IL1RAPL2: variants seen among roughly 807,000 people sequenced by gnomAD.
IL1RAPL2 encodes the protein interleukin 1 receptor accessory protein like 2, also known as X-linked interleukin-1 receptor accessory protein-like 2.
IL1RAPL2 carries 3 observed loss-of-function variants against 44.1 expected under a neutral mutation model. That is an observed-to-expected ratio of 0.07 (90% CI 0.03 to 0.18). The LOEUF is 0.18. Among genes scored for constraint, IL1RAPL2 ranks in the 10% least tolerant of loss-of-function variants. The pLI is 1.00. For synonymous variants in IL1RAPL2, 181 were observed against 178.8 expected (o/e 1.01, Z -0.10); for missense variants, 391 against 496.4 (o/e 0.79, Z 2.02).
In IL1RAPL2 at chrX:105,541,607, A is replaced by G. The variant is rs977947035; in HGVS notation, c.772+57220A>G. On this transcript the variant is annotated intron_variant, in intron 6 of 10. Coordinates refer to ENST00000372582, the MANE Select transcript of IL1RAPL2 (RefSeq NM_017416.2). ...AGAGGAGGGATGTAAGAGATTATCAAATCCTCCTTTCTGCTTCCTCCTGAA... is the reference window on the plus strand; with the variant it reads ...AGAGGAGGGATGTAAGAGATTATCAGATCCTCCTTTCTGCTTCCTCCTGAA... Among the ~76,000 whole-genome samples, 5 of 110,646 alleles carry G rather than the reference A, an allele frequency of 4.5e-5. No homozygotes were observed. In the South Asian group the frequency reaches 1.2e-3, roughly 26 times the overall value.
At chrX:105,251,925 GT>G (rs972769729) in intron 4 of IL1RAPL2, among the ~76,000 whole-genome samples, 2 of 110,719 alleles carry the variant, frequency 1.8e-5, no homozygotes, top group African/African-American at 6.5e-5. Flanking sequence ...TAAGGCTGAG[GT>G]TTTTTTAAAG....
chrX:104,584,050 A>G lies in IL1RAPL2; in HGVS notation c.-20+16999A>G, dbSNP rs751017980. Among the ~76,000 whole-genome samples the G allele has an allele frequency of 4.4e-4, 49 of 111,386 alleles. 1 individual carries two copies. Among genetic ancestry groups the G allele is most frequent in the African/African-American group, 1.6e-3 (49 of 30,659 alleles). ...GTCAAGAACCACATGTGTCAGATCC[A>G]CCAGGGGAGCTTATTAAAAATACCT... is the stretch of plus-strand genomic sequence containing the variant. On this transcript the variant is annotated intron_variant, in intron 1 of 10. Coordinates refer to ENST00000372582, the MANE Select transcript of IL1RAPL2 (RefSeq NM_017416.2).
chrX:104,813,039 A>G (rs1001247370), intron 2 of IL1RAPL2, among the ~76,000 whole-genome samples: 3 of 112,287 alleles, frequency 2.7e-5, no homozygotes, highest in African/African-American at 9.7e-5. Context: ...ACACTTGGTG[A>G]TATTCTATTA....
At chrX:104,774,627 C>A (rs1932690143) in intron 2 of IL1RAPL2, among the ~76,000 whole-genome samples, 1 of 112,008 alleles carries the variant, frequency 8.9e-6, no homozygotes, top group African/African-American at 3.2e-5. Flanking sequence ...AAATGATATA[C>A]CAGAGACGTG....
At chrX:105,135,673 C>A (rs762877123) in intron 2 of IL1RAPL2, among the ~76,000 whole-genome samples, 1 of 111,670 alleles carries the variant, frequency 9.0e-6, no homozygotes, top group Non-Finnish European at 1.9e-5. Context: ...AAAATTATTA[C>A]GTGATTCAAA....
chrX:104,690,345 G>T (rs1931070445), intron 2 of IL1RAPL2, among the ~76,000 whole-genome samples: 1 of 112,261 alleles, frequency 8.9e-6, no homozygotes, highest in African/African-American at 3.2e-5. Flanking sequence ...CCTTGCTGAA[G>T]ATGTTCATAT....
At chrX:105,356,874 A>G (rs767986602) in intron 5 of IL1RAPL2, among the ~76,000 whole-genome samples, 28 of 112,150 alleles carry the variant, frequency 2.5e-4, no homozygotes, top group Admixed American at 4.7e-4. Context: ...AACCTTGGTA[A>G]TGGATTGAAT....
chrX:105,070,688 T>G (rs761378686), intron 2 of IL1RAPL2, among the ~76,000 whole-genome samples: 1 of 109,125 alleles, frequency 9.2e-6, no homozygotes, highest in Non-Finnish European at 1.9e-5. Flanking sequence ...AGTAAGACTC[T>G]GTCTCAAAAA....
chrX:104,947,735 G>A (rs1434556189), intron 2 of IL1RAPL2, among the ~76,000 whole-genome samples: 6 of 111,429 alleles, frequency 5.4e-5, no homozygotes, highest in South Asian at 3.8e-4. Context: ...GTAGATATGC[G>A]GTGTTATTTC....
intron 2 of IL1RAPL2, among the ~76,000 whole-genome samples, chrX:104,884,415 G>A (rs1274685873): frequency 8.9e-6 from 1 of 111,848 alleles, no homozygotes; most frequent in Non-Finnish European, 1.9e-5. Flanking sequence ...CAGGGTCCAG[G>A]GACTGTTGCA....
At chrX:105,339,608 G>A (rs1460884110) in intron 5 of IL1RAPL2, among the ~76,000 whole-genome samples, 1 of 110,759 alleles carries the variant, frequency 9.0e-6, no homozygotes, top group Non-Finnish European at 1.9e-5. Context: ...ATCCTTAGGA[G>A]GCCCTTATGC....
chrX:104,619,772 A>G lies in IL1RAPL2; in HGVS notation c.-19-39123A>G, dbSNP rs1929350497. Among the ~76,000 whole-genome samples the G allele has an allele frequency of 2.7e-5, 3 of 112,328 alleles. No individual in the cohort carries two copies. The South Asian group carries it at 1.1e-3, about 41-fold the overall frequency. ...TATATAATACTGTGTTAAATACTAC[A>G]GGGAAAATATTAAAAAATAAGCAAA... On this transcript the variant is annotated intron_variant, in intron 1 of 10. Coordinates refer to ENST00000372582, the MANE Select transcript of IL1RAPL2 (RefSeq NM_017416.2).
chrX:105,350,045 T>A (rs2035140941), intron 5 of IL1RAPL2, among the ~76,000 whole-genome samples: 1 of 112,190 alleles, frequency 8.9e-6, no homozygotes, highest in East Asian at 2.8e-4. Flanking sequence ...ACAATATACT[T>A]CAATTTTTAA....
At chrX:104,784,306 A>G (rs1488702091) in intron 2 of IL1RAPL2, among the ~76,000 whole-genome samples, 1 of 111,465 alleles carries the variant, frequency 9.0e-6, no homozygotes, top group Non-Finnish European at 1.9e-5. Context: ...GTCTCTGGAG[A>G]GATGTGTTTG....
intron 5 of IL1RAPL2, among the ~76,000 whole-genome samples, chrX:105,434,114 G>T (rs1038718970): frequency 1.8e-5 from 2 of 111,639 alleles, no homozygotes; most frequent in African/African-American, 3.3e-5. Context: ...CTAAATAAGC[G>T]CATGAAAAGA....
intron 2 of IL1RAPL2, among the ~76,000 whole-genome samples, chrX:104,879,384 A>AAAAAAAAAAAAAAAAAAAAAAAT (rs1923000910): frequency 9.4e-6 from 1 of 105,881 alleles, no homozygotes; most frequent in African/African-American, 3.5e-5. Flanking sequence ...AAAAAAAAAA[A>AAAAAAAAAAAAAAAAAAAAAAAT]GAGTGCAGAA....
At chrX:105,687,673 G>C (rs1451873652) in intron 6 of IL1RAPL2, among the ~76,000 whole-genome samples, 4 of 111,506 alleles carry the variant, frequency 3.6e-5, no homozygotes, top group African/African-American at 6.5e-5. Context: ...CATTCCTTCT[G>C]AAACTATTCC....
chrX:105,067,237 C>T (rs2032149046), intron 2 of IL1RAPL2, among the ~76,000 whole-genome samples: 1 of 110,638 alleles, frequency 9.0e-6, no homozygotes. Context: ...CACATACACA[C>T]GTGTGCGCGC....
intron 2 of IL1RAPL2, among the ~76,000 whole-genome samples, chrX:105,119,821 C>T (rs1316551882): frequency 9.1e-6 from 1 of 110,477 alleles, no homozygotes; most frequent in Non-Finnish European, 1.9e-5. Context: ...CAAATACATC[C>T]ATTATTGTAA....
Sources: gnomAD v4.1 joint callset for allele counts (sites outside exome capture counted in the v4.1 genomes callset) on GRCh38, gnomAD v4.1.1 for gene constraint, MANE v1.5 for transcripts, NCBI Gene and HGNC (gene_info 2026-07-23, HGNC 2026-07-21) for gene names.